Variants in PCDH15 observed in about 807,000 individuals in gnomAD.
The protein encoded by PCDH15 is protocadherin related 15.
A neutral mutation model predicts 178.5 loss-of-function variants in PCDH15; 129 were observed. The observed-to-expected ratio is 0.72, with a 90% confidence interval of 0.63 to 0.84. The LOEUF is 0.84. PCDH15 is among the 40% of genes least tolerant of loss of function. The pLI is 0.00. For synonymous variants in PCDH15, 800 were observed against 732.0 expected (o/e 1.09, Z -1.50); for missense variants, 2,230 against 2,099.9 (o/e 1.06, Z -1.21).
At chr10:54,576,617 G>A (rs2090503205) in intron 2 of PCDH15, among the ~76,000 whole-genome samples, 1 of 152,122 alleles carries the variant, frequency 6.6e-6, no homozygotes, top group Non-Finnish European at 1.5e-5. Flanking sequence ...CTTCTCCTGC[G>A]ATTTTTTTAA....
intron 3 of PCDH15, among the ~76,000 whole-genome samples, chr10:54,424,199 G>T (rs535233979): frequency 6.6e-6 from 1 of 152,014 alleles, no homozygotes; most frequent in Non-Finnish European, 1.5e-5. Context: ...AGTGGGTGAA[G>T]GATATGAACA....
At chr10:54,160,167 A>T in intron 13 of PCDH15, among the ~76,000 whole-genome samples, 1 of 151,988 alleles carries the variant, frequency 6.6e-6, no homozygotes, top group East Asian at 1.9e-4. Flanking sequence ...GCTGGACAAA[A>T]GGATGATTCA....
intron 2 of PCDH15, among the ~76,000 whole-genome samples, chr10:55,589,332 T>C (rs1182010308): frequency 6.6e-6 from 1 of 152,164 alleles, no homozygotes; most frequent in Non-Finnish European, 1.5e-5. Context: ...CCATTGCTTG[T>C]TTTTCTCAGG....
chr10:54,423,231 A>C (rs1238315812), intron 3 of PCDH15, among the ~76,000 whole-genome samples: 1 of 152,148 alleles, frequency 6.6e-6, no homozygotes, highest in Non-Finnish European at 1.5e-5. Context: ...GCAGATCACT[A>C]GGAGATATTG....
chr10:55,003,848 T>A (rs1466060162), intron 2 of PCDH15, among the ~76,000 whole-genome samples: 1 of 152,190 alleles, frequency 6.6e-6, no homozygotes, highest in Non-Finnish European at 1.5e-5. Flanking sequence ...AGTTGACAAT[T>A]TCACTTTCTG....
At chr10:54,517,964 G>C (rs2082405166) in intron 3 of PCDH15, among the ~76,000 whole-genome samples, 1 of 152,118 alleles carries the variant, frequency 6.6e-6, no homozygotes, top group Non-Finnish European at 1.5e-5. Context: ...AATGACTACT[G>C]GGTACATAAT....
chr10:55,325,190 A>G (rs189464786), intron 2 of PCDH15, among the ~76,000 whole-genome samples: 1 of 152,262 alleles, frequency 6.6e-6, no homozygotes, highest in East Asian at 1.9e-4. Context: ...CAAACTAACA[A>G]TGACACTCTT....
At chr10:54,471,867 G>A (rs1449183058) in intron 3 of PCDH15, among the ~76,000 whole-genome samples, 1 of 151,922 alleles carries the variant, frequency 6.6e-6, no homozygotes, top group Non-Finnish European at 1.5e-5. Flanking sequence ...AATTAGAGCT[G>A]TATATTTTTA....
intron 1 of PCDH15, among the ~76,000 whole-genome samples, chr10:55,218,001 C>G (rs1840755719): frequency 6.6e-6 from 1 of 151,992 alleles, no homozygotes; most frequent in Admixed American, 6.6e-5. Flanking sequence ...AAAATCCTGT[C>G]AGTAGGAGCA....
At chr10:54,517,487 G>A (rs928887826) in intron 3 of PCDH15, among the ~76,000 whole-genome samples, 2 of 151,964 alleles carry the variant, frequency 1.3e-5, no homozygotes, top group African/African-American at 4.8e-5. Flanking sequence ...ATGGTAAAGG[G>A]ATCAATTCAA....
intron 2 of PCDH15, among the ~76,000 whole-genome samples, chr10:54,965,191 T>C (rs1214847884): frequency 6.6e-6 from 1 of 152,078 alleles, no homozygotes; most frequent in Admixed American, 6.5e-5. Flanking sequence ...GAAGGTAAGG[T>C]AGTATAATTA....
chr10:54,772,694 G>A (rs539971028), intron 1 of PCDH15, among the ~76,000 whole-genome samples: 42 of 152,240 alleles, frequency 2.8e-4, no homozygotes, highest in Middle Eastern at 3.4e-3. Flanking sequence ...AACCATTGTG[G>A]AAGACAGGGT....
At chr10:54,716,961 CT>C (rs1248430269) in intron 1 of PCDH15, among the ~76,000 whole-genome samples, 1 of 148,276 alleles carries the variant, frequency 6.7e-6, no homozygotes, top group East Asian at 1.9e-4. Context: ...GGCCGCATAT[CT>C]ACAACTATCT....
intron 2 of PCDH15, among the ~76,000 whole-genome samples, chr10:55,405,091 T>C (rs937689818): frequency 6.6e-6 from 1 of 151,346 alleles, no homozygotes; most frequent in Non-Finnish European, 1.5e-5. Flanking sequence ...CCACACTATT[T>C]TGGAATCAGG....
chr10:53,924,280 CG>C (rs769572108), intron 25 of PCDH15, among the ~76,000 whole-genome samples: 49 of 152,206 alleles, frequency 3.2e-4, no homozygotes, highest in Non-Finnish European at 5.9e-4. Flanking sequence ...TCAGAGCGGC[CG>C]GCTGGCACCG....
intron 2 of PCDH15, among the ~76,000 whole-genome samples, chr10:54,534,240 C>G (rs941369586): frequency 6.6e-6 from 1 of 152,004 alleles, no homozygotes; most frequent in East Asian, 1.9e-4. Context: ...CCTCAGCTCT[C>G]CCAAATATTC....
chr10:54,608,746 G>T (rs183312278), intron 2 of PCDH15, among the ~76,000 whole-genome samples: 1 of 151,896 alleles, frequency 6.6e-6, no homozygotes, highest in Non-Finnish European at 1.5e-5. Flanking sequence ...GGGTGTCTTG[G>T]CTTGTTTAGT....
intron 3 of PCDH15, among the ~76,000 whole-genome samples, chr10:54,438,115 C>G (rs1313737666): frequency 2.0e-5 from 3 of 152,006 alleles, no homozygotes; most frequent in East Asian, 3.9e-4. Context: ...AAAACATTTT[C>G]CCTACCTGTT....
intron 2 of PCDH15, among the ~76,000 whole-genome samples, chr10:55,340,116 T>C (rs1844511107): frequency 6.6e-6 from 1 of 151,432 alleles, no homozygotes. Flanking sequence ...GTATAGATTC[T>C]ACAAAATATA....
Sources: gnomAD v4.1 joint callset for allele counts (sites outside exome capture counted in the v4.1 genomes callset) on GRCh38, gnomAD v4.1.1 for gene constraint, MANE v1.5 for transcripts, NCBI Gene and HGNC (gene_info 2026-07-23, HGNC 2026-07-21) for gene names.